Variants in ASTN2 observed in about 807,000 individuals in gnomAD.
ASTN2 encodes the protein astrotactin-2.
In ASTN2, 54 loss-of-function variants were observed where a neutral mutation model predicts 139.8. The observed-to-expected ratio is 0.39, with a 90% CI of 0.31 to 0.48. The LOEUF (loss-of-function observed/expected upper bound fraction) is 0.48, where lower values mean the gene tolerates loss of function less well. Among genes scored for constraint, ASTN2 ranks in the 20% least tolerant of loss-of-function variants. The probability of loss-of-function intolerance (pLI) is 0.95; values close to 1 mark genes in which losing one functional copy is unlikely to be tolerated. For missense variants in ASTN2, 1,565 were observed against 1,725.1 expected (o/e 0.91, Z 1.64); for synonymous variants, 756 against 719.5 (o/e 1.05, Z -0.81).
intron 10 of ASTN2, among the ~76,000 whole-genome samples, chr9:116,945,378 G>T (rs1003050446): frequency 2.0e-5 from 3 of 152,148 alleles, no homozygotes; most frequent in Non-Finnish European, 4.4e-5. Flanking sequence ...GTAATGAAAT[G>T]GGGACTGAAT....
intron 3 of ASTN2, among the ~76,000 whole-genome samples, chr9:117,146,456 G>A (rs1230174584): frequency 7.5e-6 from 1 of 133,062 alleles, no homozygotes; most frequent in Non-Finnish European, 1.6e-5. Flanking sequence ...GAAAGGAAAA[G>A]ACAGGATGGA....
At chr9:117,262,154 T>A (rs1260580746) in intron 2 of ASTN2, among the ~76,000 whole-genome samples, 1 of 152,114 alleles carries the variant, frequency 6.6e-6, no homozygotes, top group East Asian at 1.9e-4. Flanking sequence ...TTTATACCAT[T>A]AGCAGGGATC....
At chr9:117,141,211 G>C in intron 4 of ASTN2, 115 bp downstream of exon 4, 1 of 1,118,070 alleles carries the variant, frequency 8.9e-7, no homozygotes, top group Non-Finnish European at 1.2e-6. Flanking sequence ...GGAGAAAGTG[G>C]CACAAGTTTT....
At chr9:117,108,791 C>T (rs760811571) in intron 4 of ASTN2, among the ~76,000 whole-genome samples, 4 of 152,160 alleles carry the variant, frequency 2.6e-5, no homozygotes, top group Non-Finnish European at 5.9e-5. Flanking sequence ...TATCCCTGAT[C>T]TTCCCATGCA....
At chr9:116,538,742 TAC>T (rs1228696385) in intron 19 of ASTN2, among the ~76,000 whole-genome samples, 1 of 152,220 alleles carries the variant, frequency 6.6e-6, no homozygotes. Context: ...GATGATGCCA[TAC>T]AGTTTCCATC....
chr9:116,494,697 AACCT>A (rs1849617879), intron 19 of ASTN2, among the ~76,000 whole-genome samples: 1 of 152,202 alleles, frequency 6.6e-6, no homozygotes, highest in South Asian at 2.1e-4. Context: ...AATTCGATAA[AACCT>A]AATGAATTCA....
chr9:117,126,146 C>A (rs938524401), intron 4 of ASTN2, among the ~76,000 whole-genome samples: 4 of 152,110 alleles, frequency 2.6e-5, no homozygotes, highest in Non-Finnish European at 4.4e-5. Context: ...ATATGAATCC[C>A]ACCAGAGTAA....
intron 1 of ASTN2, among the ~76,000 whole-genome samples, chr9:117,323,804 T>A (rs112982993): frequency 6.7e-4 from 102 of 152,340 alleles, no homozygotes; most frequent in African/African-American, 2.3e-3. Context: ...TTAGCCCTTG[T>A]TGTAGCTAGG....
In ASTN2 at chr9:116,879,659, G is replaced by C. The variant is rs151105186; in HGVS notation, c.1890-15926C>G. ...CCTTAAACAGAGGGTCTGGAACACTGTGCAGGCAACCCAATTTGTTTCGGA... is the reference window on the plus strand; with the variant it reads ...CCTTAAACAGAGGGTCTGGAACACTCTGCAGGCAACCCAATTTGTTTCGGA... On this transcript the variant is annotated intron_variant, in intron 10 of 22. Transcript: ENST00000313400. Among the ~76,000 whole-genome samples the C allele has an allele frequency of 9.7e-3, 1,477 of 152,286 alleles. 40 individuals are homozygous for C. Among genetic ancestry groups the C allele is most frequent in the Non-Finnish European group, 6.9e-3 (470 of 68,034 alleles).
chr9:117,109,407 C>T (rs1342851849), intron 4 of ASTN2, among the ~76,000 whole-genome samples: 1 of 152,014 alleles, frequency 6.6e-6, no homozygotes, highest in African/African-American at 2.4e-5. Context: ...TTTGGAAACT[C>T]TTGTTCCTGC....
rs185649287 is a variant in ASTN2, at chr9:117,271,095, T to A, written c.630+20231A>T. 3.6e-4 allele frequency among the ~76,000 whole-genome samples: 55 copies of A among 152,258 alleles called. No homozygotes were observed. In the East Asian group the frequency reaches 7.2e-3, roughly 20 times the overall value. ...TTCCCACATCCTGGACTTGTATCAG[T>A]CCATTTTTATGCTGCTGATAAAGAC... On this transcript the variant is annotated intron_variant, in intron 2 of 22. Transcript: ENST00000313400.
At chr9:116,620,711 T>A (rs1001478406) in intron 17 of ASTN2, among the ~76,000 whole-genome samples, 2 of 152,172 alleles carry the variant, frequency 1.3e-5, no homozygotes, top group African/African-American at 2.4e-5. Context: ...ACTCCACTTG[T>A]GTTAACTTAT....
chr9:116,770,381 G>T (rs1213940851), intron 13 of ASTN2, among the ~76,000 whole-genome samples: 1 of 152,166 alleles, frequency 6.6e-6, no homozygotes, highest in African/African-American at 2.4e-5. Context: ...TATAGCAACA[G>T]CAGCTACCAG....
At chr9:117,139,962 C>A (rs1436663802) in intron 4 of ASTN2, among the ~76,000 whole-genome samples, 1 of 152,176 alleles carries the variant, frequency 6.6e-6, no homozygotes, top group African/African-American at 2.4e-5. Flanking sequence ...AGGTTTGAGA[C>A]TCAGACTGCC....
At chr9:117,145,927 T>A (rs1830184013) in intron 3 of ASTN2, among the ~76,000 whole-genome samples, 1 of 152,134 alleles carries the variant, frequency 6.6e-6, no homozygotes, top group African/African-American at 2.4e-5. Context: ...TTTGAGTGGC[T>A]GGGAAAAGAA....
At position 116,671,475 on chromosome 9, in the gene ASTN2, G is replaced by A. The variant is rs1258856442; in HGVS notation, c.2807-19682C>T. On this transcript the variant is annotated intron_variant, in intron 16 of 22. Coordinates refer to ENST00000313400, the MANE Select transcript of ASTN2 (RefSeq NM_001365068.1). ...AGGCCAACAGATAATAAGAAAAGGA[G>A]GGAGGAAAGAAAAAGGGATGAAGAG... 2.0e-5 allele frequency among the ~76,000 whole-genome samples: 3 copies of A among 151,982 alleles called. No individual in the cohort carries two copies. The East Asian group carries it at 5.8e-4, about 29-fold the overall frequency.
At chr9:117,325,690 T>C (rs917190188) in intron 1 of ASTN2, among the ~76,000 whole-genome samples, 3 of 152,118 alleles carry the variant, frequency 2.0e-5, no homozygotes, top group African/African-American at 7.2e-5. Context: ...GTTGTCAAGA[T>C]AATGCCACTT....
At chr9:116,473,356 G>T (rs1848876213) in intron 20 of ASTN2, among the ~76,000 whole-genome samples, 1 of 152,116 alleles carries the variant, frequency 6.6e-6, no homozygotes, top group African/African-American at 2.4e-5. Flanking sequence ...ATTACAGACA[G>T]TTTTCATTCT....
Position 117,158,665 on chromosome 9 carries a change from AT to A in ASTN2, c.1016-17188del, listed in dbSNP as rs1261539133. On this transcript the variant is annotated intron_variant, in intron 3 of 22. Transcript: ENST00000313400. ...GTGAGGCCACGTCCTAGACTCTGGG[AT>A]TTTGTCAAGACTAGAAGATTCAGGC... Among the ~76,000 whole-genome samples, 3 of 152,110 alleles carry A rather than the reference AT, an allele frequency of 2.0e-5. No homozygotes were observed. In the South Asian group the frequency reaches 6.2e-4, roughly 32 times the overall value.
Sources: gnomAD v4.1 joint callset for allele counts (sites outside exome capture counted in the v4.1 genomes callset) on GRCh38, gnomAD v4.1.1 for gene constraint, MANE v1.5 for transcripts, NCBI Gene and HGNC (gene_info 2026-07-23, HGNC 2026-07-21) for gene names.